CNTN5: variants seen among roughly 807,000 people sequenced by gnomAD.
The protein encoded by CNTN5 is contactin-5.
CNTN5 carries 77 observed loss-of-function variants against 129.1 expected under a neutral mutation model. The ratio of observed to expected loss-of-function variants is 0.60; its 90% CI spans 0.50 to 0.72. The LOEUF is 0.72. CNTN5 is among the 30% of genes least tolerant of loss of function. CNTN5 has a pLI of 0.00. For missense variants in CNTN5, 1,478 were observed against 1,328.8 expected (o/e 1.11, Z -1.75); for synonymous variants, 509 against 465.6 (o/e 1.09, Z -1.20).
intron 6 of CNTN5, among the ~76,000 whole-genome samples, chr11:99,910,936 A>G (rs894627595): frequency 1.3e-5 from 2 of 152,118 alleles, no homozygotes; most frequent in Non-Finnish European, 2.9e-5. Flanking sequence ...AGACTTCAAT[A>G]TGCAATCACT....
At chr11:99,908,969 T>C (rs1381325436) in intron 6 of CNTN5, among the ~76,000 whole-genome samples, 5 of 152,228 alleles carry the variant, frequency 3.3e-5, no homozygotes, top group East Asian at 1.9e-4. Context: ...TGACCTGTTA[T>C]ATATAACCAG....
At chr11:100,129,788 G>T (rs1413922605) in intron 13 of CNTN5, among the ~76,000 whole-genome samples, 1 of 151,918 alleles carries the variant, frequency 6.6e-6, no homozygotes, top group African/African-American at 2.4e-5. Context: ...ACATGTGAAA[G>T]CTACAATTAG....
intron 4 of CNTN5, among the ~76,000 whole-genome samples, chr11:99,838,819 G>C (rs1288892324): frequency 6.6e-6 from 1 of 152,118 alleles, no homozygotes; most frequent in African/African-American, 2.4e-5. Context: ...CACGAGGAAA[G>C]TGTACCCCAG....
chr11:99,408,466 GAAAGAAAGAAAGAA>G (rs1942224476), intron 2 of CNTN5, among the ~76,000 whole-genome samples: 1 of 133,110 alleles, frequency 7.5e-6, no homozygotes, highest in Non-Finnish European at 1.7e-5. Context: ...AAGAAAGAAA[GAAAGAAAGAAAGAA>G]AGAAAGAAAG....
rs532486673 is a variant in CNTN5 at position 99,160,840 on chromosome 11, T to C, written c.-210+139570T>C. 3.0e-4 allele frequency among the ~76,000 whole-genome samples: 46 copies of C among 152,284 alleles called. 1 individual carries two copies. The South Asian group carries it at 8.5e-3, about 28-fold the overall frequency. On this transcript the variant is annotated intron_variant, in intron 1 of 24. Transcript: ENST00000524871. ...CGTTTAAGGCAAAAACATTGTTAAA[T>C]GGCAGAAAGAGATACATATTACATG...
chr11:99,477,366 A>G (rs1398580035), intron 2 of CNTN5, among the ~76,000 whole-genome samples: 2 of 152,084 alleles, frequency 1.3e-5, no homozygotes, highest in East Asian at 1.9e-4. Flanking sequence ...TGATGAATCT[A>G]GTATTTTCTT....
At chr11:99,334,692 G>A (rs923998860) in intron 2 of CNTN5, among the ~76,000 whole-genome samples, 3 of 151,362 alleles carry the variant, frequency 2.0e-5, no homozygotes, top group African/African-American at 7.3e-5. Flanking sequence ...GGTGTGTTGT[G>A]AAAATAAAGT....
chr11:99,938,787 A>G (rs1347451293), intron 7 of CNTN5, among the ~76,000 whole-genome samples: 1 of 152,152 alleles, frequency 6.6e-6, no homozygotes, highest in Non-Finnish European at 1.5e-5. Context: ...AGAAAAATAT[A>G]TCTCTACTTC....
intron 1 of CNTN5, among the ~76,000 whole-genome samples, chr11:99,222,670 A>C (rs1860457400): frequency 6.6e-6 from 1 of 152,164 alleles, no homozygotes; most frequent in Non-Finnish European, 1.5e-5. Context: ...ATTTGTATTA[A>C]ATTTATGGCC....
chr11:99,777,395 C>A (rs904321757), intron 3 of CNTN5, among the ~76,000 whole-genome samples: 9 of 151,694 alleles, frequency 5.9e-5, no homozygotes, highest in African/African-American at 1.9e-4. Context: ...TAATTCTAGG[C>A]AAATTGGTCT....
At chr11:99,704,444 T>C (rs183784643) in intron 3 of CNTN5, among the ~76,000 whole-genome samples, 16 of 151,252 alleles carry the variant, frequency 1.1e-4, no homozygotes, top group Admixed American at 3.3e-4. Context: ...GGTTCCTAGA[T>C]GAAGGTTACA....
intron 1 of CNTN5, among the ~76,000 whole-genome samples, chr11:99,310,097 G>T (rs10893091): frequency 2.0e-5 from 3 of 151,974 alleles, no homozygotes; most frequent in African/African-American, 7.2e-5. Flanking sequence ...ATAATTAAAT[G>T]CAAAATTATA....
chr11:99,943,032 T>G (rs1289913158), intron 7 of CNTN5, among the ~76,000 whole-genome samples: 1 of 152,040 alleles, frequency 6.6e-6, no homozygotes, highest in East Asian at 1.9e-4. Context: ...GTCTTTATAG[T>G]AGAATGATTT....
In CNTN5 at chr11:99,701,144, G is replaced by T. The variant is rs147845855; in HGVS notation, c.56-118400G>T. On this transcript the variant is annotated intron_variant, in intron 3 of 24. Coordinates refer to ENST00000524871, the MANE Select transcript of CNTN5 (RefSeq NM_014361.4). ...GTGCTGATTCACTGAAGGGCATATG[G>T]AAATCAAAAGCAAAGTCTTGTTCTT... 1.7e-3 allele frequency among the ~76,000 whole-genome samples: 251 copies of T among 151,328 alleles called. 1 individual carries two copies. Among genetic ancestry groups the T allele is most frequent in the African/African-American group, 5.5e-3 (228 of 41,448 alleles).
intron 1 of CNTN5, among the ~76,000 whole-genome samples, chr11:99,152,485 C>T (rs1378521256): frequency 6.6e-6 from 1 of 152,018 alleles, no homozygotes; most frequent in Non-Finnish European, 1.5e-5. Flanking sequence ...TTCTGTTTTC[C>T]ATTTGCTTGA....
intron 2 of CNTN5, among the ~76,000 whole-genome samples, chr11:99,362,044 G>A (rs892002141): frequency 6.6e-6 from 1 of 152,074 alleles, no homozygotes; most frequent in African/African-American, 2.4e-5. Flanking sequence ...CTTCCAAACT[G>A]TTTCCCATAG....
intron 4 of CNTN5, among the ~76,000 whole-genome samples, chr11:99,830,588 G>A (rs1947108351): frequency 1.3e-5 from 2 of 152,044 alleles, no homozygotes; most frequent in Admixed American, 1.3e-4. Flanking sequence ...TTCTCTCTTG[G>A]AGGGGGAAAT....
chr11:99,231,981 G>A (rs1861023575), intron 1 of CNTN5, among the ~76,000 whole-genome samples: 1 of 152,028 alleles, frequency 6.6e-6, no homozygotes, highest in South Asian at 2.1e-4. Context: ...TTATTTCCGA[G>A]TTCTCTATTT....
intron 10 of CNTN5, among the ~76,000 whole-genome samples, chr11:100,066,166 G>A (rs966900462): frequency 6.6e-6 from 1 of 152,052 alleles, no homozygotes; most frequent in African/African-American, 2.4e-5. Context: ...CATTGAAATA[G>A]GAATTACTAT....
Sources: allele counts gnomAD v4.1 joint callset (sites outside exome capture counted in the v4.1 genomes callset), GRCh38; gene constraint gnomAD v4.1.1; transcripts MANE v1.5; gene names NCBI Gene and HGNC (gene_info 2026-07-23, HGNC 2026-07-21).